The following PHF20 variants were observed in gnomAD, a reference collection of about 807,000 sequenced individuals.
The protein encoded by PHF20 is glioma-expressed antigen 2.
A neutral mutation model predicts 113.5 loss-of-function variants in PHF20; 23 were observed. That is an observed-to-expected ratio of 0.20 (90% CI 0.15 to 0.29). PHF20 has a LOEUF of 0.29. PHF20 is among the 10% of genes least tolerant of loss of function. The pLI is 1.00. For synonymous variants in PHF20, 434 were observed against 457.3 expected, an observed-to-expected ratio of 0.95 and a Z score of 0.65; for missense variants, 943 against 1,219.6, an observed-to-expected ratio of 0.77 and a Z score of 3.38.
chr20:35,871,277 G>A (rs2054416415), intron 8 of PHF20, 143 bp downstream of exon 8: 4 of 720,928 alleles, frequency 5.5e-6, no homozygotes, highest in South Asian at 1.8e-5. Flanking sequence ...TTTTTATAAT[G>A]TATTGCTCTT....
intron 2 of PHF20, among the ~76,000 whole-genome samples, chr20:35,820,117 G>A (rs1256790525): frequency 1.3e-5 from 2 of 152,136 alleles, no homozygotes; most frequent in African/African-American, 2.4e-5. Context: ...TGATCCCCAC[G>A]CATGTGTTCA....
chr20:35,802,796 G>A (rs927238009), intron 2 of PHF20, among the ~76,000 whole-genome samples: 7 of 151,524 alleles, frequency 4.6e-5, no homozygotes, highest in African/African-American at 7.3e-5. Flanking sequence ...AAAATTAGCC[G>A]GGCATGGTGG....
At chr20:35,780,091 T>TAGCTA (rs1476225263) in intron 1 of PHF20, among the ~76,000 whole-genome samples, 1 of 152,124 alleles carries the variant, frequency 6.6e-6, no homozygotes, top group Non-Finnish European at 1.5e-5. Context: ...CCAGTGCTCT[T>TAGCTA]ACATCCCTCT....
intron 9 of PHF20, among the ~76,000 whole-genome samples, chr20:35,886,296 G>A (rs1198830459): frequency 2.0e-5 from 3 of 151,782 alleles, no homozygotes; most frequent in African/African-American, 7.3e-5. Context: ...CCACCACCAT[G>A]CCCAGCTTTT....
chr20:35,907,425 G>C (rs898848566), intron 10 of PHF20, among the ~76,000 whole-genome samples: 2 of 152,192 alleles, frequency 1.3e-5, no homozygotes, highest in Non-Finnish European at 2.9e-5. Flanking sequence ...CAGGGCAGCC[G>C]GGAGGAAGCT....
At chr20:35,858,168 A>C in intron 4 of PHF20, 134 bp from the exon 5 acceptor site, 1 of 459,984 alleles carries the variant, frequency 2.2e-6, no homozygotes, top group Non-Finnish European at 3.9e-6. Flanking sequence ...AGTAAGACTG[A>C]ATATGATTCT....
chr20:35,780,608 A>G (rs541050152), intron 1 of PHF20, among the ~76,000 whole-genome samples: 1 of 143,688 alleles, frequency 7.0e-6, no homozygotes, highest in South Asian at 2.2e-4. Flanking sequence ...AGGCAGTGGC[A>G]TGATCTTGGC....
Position 35,904,597 on chromosome 20 carries a change from A to G in PHF20, c.1561+4949A>G, listed in dbSNP as rs771799517. Among the ~76,000 whole-genome samples, 3 of 152,042 alleles carry G rather than the reference A, an allele frequency of 2.0e-5. 1 individual carries two copies. Among genetic ancestry groups the G allele is most frequent in the Non-Finnish European group, 4.4e-5 (3 of 67,996 alleles). On this transcript the variant is annotated intron_variant, in intron 10 of 17. Transcript: ENST00000374012. ...CTTCCAGCAAAACCACTGGGACTCG[A>G]AAGTACCCTGCAGAGATTTCTTGGC... is the stretch of plus-strand genomic sequence containing the variant.
chr20:35,816,607 A>G (rs1195982517), intron 2 of PHF20, among the ~76,000 whole-genome samples: 1 of 151,188 alleles, frequency 6.6e-6, no homozygotes, highest in Non-Finnish European at 1.5e-5. Flanking sequence ...CTGCCACCAC[A>G]CCCAGCTAAT....
At chr20:35,832,091 C>T (rs1438531442) in intron 2 of PHF20, among the ~76,000 whole-genome samples, 1 of 152,128 alleles carries the variant, frequency 6.6e-6, no homozygotes, top group Non-Finnish European at 1.5e-5. Context: ...TGCCTGCTTT[C>T]CTCTGTACTA....
intron 10 of PHF20, among the ~76,000 whole-genome samples, chr20:35,906,580 C>T (rs868163694): frequency 3.3e-5 from 5 of 152,182 alleles, no homozygotes; most frequent in Non-Finnish European, 2.9e-5. Context: ...GCTTTCTCCC[C>T]GTTGTTGCCC....
At chr20:35,865,051 G>A (rs1170750267) in intron 6 of PHF20, among the ~76,000 whole-genome samples, 2 of 151,994 alleles carry the variant, frequency 1.3e-5, no homozygotes, top group Non-Finnish European at 2.9e-5. Flanking sequence ...AATTAGCCAG[G>A]CTTGGTGGTG....
chr20:35,944,777 G>A (rs1009777713), intron 17 of PHF20, among the ~76,000 whole-genome samples: 1 of 152,112 alleles, frequency 6.6e-6, no homozygotes, highest in African/African-American at 2.4e-5. Flanking sequence ...ATGTTGGCCA[G>A]GCTTGTCTTG....
intron 4 of PHF20, among the ~76,000 whole-genome samples, chr20:35,854,431 G>A (rs2042793140): frequency 6.6e-6 from 1 of 152,162 alleles, no homozygotes; most frequent in South Asian, 2.1e-4. Flanking sequence ...TTGTTTGTTA[G>A]GTAGTGTTTG....
chr20:35,948,330 G>A lies in PHF20; in HGVS notation c.*703G>A, dbSNP rs1288767528. Reference sequence around the variant, plus strand: ...CACTCACAGTAATAAGAATCTAGGAGGAATTCCAAACCGAAGCAGGCAGGG... The same window carrying A: ...CACTCACAGTAATAAGAATCTAGGAAGAATTCCAAACCGAAGCAGGCAGGG... On this transcript the variant is annotated 3_prime_UTR_variant, in exon 18 of 18. Coordinates refer to ENST00000374012, the MANE Select transcript of PHF20 (RefSeq NM_016436.5). The A allele has an allele frequency of 6.6e-6, 1 of 152,576 alleles. No homozygotes were observed. The highest frequency in any genetic ancestry group is 1.9e-4 in the East Asian group (1 of 5,194). The allele number at this position is 152,576 out of a possible 1,614,324, so 9.5% of individuals were successfully genotyped here.
At chr20:35,814,844 G>T (rs1196679659) in intron 2 of PHF20, among the ~76,000 whole-genome samples, 1 of 136,802 alleles carries the variant, frequency 7.3e-6, no homozygotes, top group Non-Finnish European at 1.5e-5. Context: ...CTGCACTCCA[G>T]CCTGGGCGAC....
chr20:35,878,493 A>G (rs1600864885), intron 9 of PHF20: 1 of 584,826 alleles, frequency 1.7e-6, no homozygotes, highest in East Asian at 2.9e-5. Context: ...CTGAATTCAT[A>G]TGATGAAGAT....
At chr20:35,846,480 T>G (rs896487308) in intron 3 of PHF20, among the ~76,000 whole-genome samples, 2 of 152,198 alleles carry the variant, frequency 1.3e-5, no homozygotes, top group Non-Finnish European at 2.9e-5. Flanking sequence ...ACAAAATTTA[T>G]CAGTGCAAAC....
At chr20:35,921,715 A>G (rs1448105293) in intron 13 of PHF20, among the ~76,000 whole-genome samples, 2 of 151,752 alleles carry the variant, frequency 1.3e-5, no homozygotes, top group South Asian at 2.1e-4. Flanking sequence ...GAAAAGAAAA[A>G]AAATGTTATA....
Sources: allele counts gnomAD v4.1 joint callset (sites outside exome capture counted in the v4.1 genomes callset), GRCh38; gene constraint gnomAD v4.1.1; transcripts MANE v1.5; gene names NCBI Gene and HGNC (gene_info 2026-07-23, HGNC 2026-07-21).